Variants in NPHP4 observed in about 807,000 individuals in gnomAD.
NPHP4 encodes the protein nephrocystin 4.
NPHP4 carries 151 observed loss-of-function variants against 155.8 expected under a neutral mutation model. The observed-to-expected ratio is 0.97, with a 90% CI of 0.85 to 1.11. The LOEUF is 1.11. Ranked by LOEUF, NPHP4 falls within the 50% of genes least tolerant of loss-of-function variation. The pLI, the probability that NPHP4 is intolerant of heterozygous loss-of-function variation, is 0.00. For missense variants in NPHP4, 1,956 were observed against 1,925.7 expected, an observed-to-expected ratio of 1.02 and a Z score of -0.29; for synonymous variants, 845 against 816.8, an observed-to-expected ratio of 1.03 and a Z score of -0.59.
At chr1:5,885,533 A>T (rs1390241296) in intron 18 of NPHP4, among the ~76,000 whole-genome samples, 1 of 152,232 alleles carries the variant, frequency 6.6e-6, no homozygotes, top group Non-Finnish European at 1.5e-5. Flanking sequence ...GCAGCCACCA[A>T]GCATGAGGGC....
intron 5 of NPHP4, among the ~76,000 whole-genome samples, chr1:5,963,323 A>C (rs1023614277): frequency 1.3e-5 from 2 of 152,100 alleles, no homozygotes; most frequent in Admixed American, 1.3e-4. Context: ...TGAACCCGGG[A>C]GGCAGAGGTT....
intron 5 of NPHP4, among the ~76,000 whole-genome samples, chr1:5,965,638 A>G (rs1347610883): frequency 1.3e-5 from 2 of 152,050 alleles, no homozygotes; most frequent in Non-Finnish European, 2.9e-5. Context: ...TTGAAAACTG[A>G]GTTCCAGGAG....
rs1369466601 is a variant in NPHP4 at position 5,910,161 on chromosome 1, G to A, written c.1442-948C>T. Among the ~76,000 whole-genome samples, 1 of 152,126 alleles carries A rather than the reference G, an allele frequency of 6.6e-6. No homozygotes were observed. Among genetic ancestry groups the A allele is most frequent in the Non-Finnish European group, 1.5e-5 (1 of 68,032 alleles). ...ATGAAACCACCAAGCCAGACCCCAA[G>A]CCCATCCTGACGGGGCCACCTCTGC... On this transcript the variant is annotated intron_variant, in intron 11 of 29. Coordinates refer to ENST00000378156, the MANE Select transcript of NPHP4 (RefSeq NM_015102.5). This position sits in a 1 kb window ranked among gnomAD's most constrained non-coding sequence, Gnocchi z 5.4.
intron 2 of NPHP4, among the ~76,000 whole-genome samples, chr1:5,980,747 C>A (rs751212182): frequency 1.3e-5 from 2 of 152,154 alleles, no homozygotes; most frequent in African/African-American, 4.8e-5. Context: ...CTGAATCTCG[C>A]ATCTCAAGTG....
chr1:5,925,685 G>C (rs924429152), intron 11 of NPHP4, among the ~76,000 whole-genome samples: 1 of 151,900 alleles, frequency 6.6e-6, no homozygotes, highest in African/African-American at 2.4e-5. Flanking sequence ...GCACAATCTC[G>C]GCTCACTGCA....
chr1:5,934,016 C>T lies in NPHP4; in HGVS notation c.1120-687G>A, dbSNP rs192563700. 1.3e-3 allele frequency among the ~76,000 whole-genome samples: 204 copies of T among 152,292 alleles called. 1 individual carries two copies. The highest frequency in any genetic ancestry group is 2.3e-3 in the Admixed American group (35 of 15,308). ...CACATTAAAGTCATTGTCACAAACA[C>T]GGTTTCACGGCTTGACTGAGTAAAG... On this transcript the variant is annotated intron_variant, in intron 9 of 29. Coordinates refer to ENST00000378156, the MANE Select transcript of NPHP4 (RefSeq NM_015102.5).
intron 16 of NPHP4, among the ~76,000 whole-genome samples, chr1:5,903,350 G>A (rs1035945489): frequency 1.3e-5 from 2 of 152,086 alleles, no homozygotes; most frequent in South Asian, 2.1e-4. Flanking sequence ...GATCCCTAGC[G>A]CTGCATTTGC....
intron 19 of NPHP4, among the ~76,000 whole-genome samples, chr1:5,878,693 C>T (rs774323468): frequency 1.3e-5 from 2 of 152,218 alleles, no homozygotes; most frequent in African/African-American, 2.4e-5. Flanking sequence ...GATCACTGAC[C>T]TCAGGGCCTC....
chr1:5,893,033 T>C (rs1644214611), intron 16 of NPHP4, among the ~76,000 whole-genome samples: 1 of 152,018 alleles, frequency 6.6e-6, no homozygotes, highest in African/African-American at 2.4e-5. Flanking sequence ...AAGAGCAGAG[T>C]GGCCAACTCC....
In NPHP4 at chr1:5,874,871, C is replaced by T. The variant is rs1642410561; in HGVS notation, c.3044+3G>A. ...GGCAGGACGGGCACCACTGAGACCT[C>T]ACCTGAGCTCGGGGTTGTCGATCTC... On this transcript the variant is annotated splice_donor_region_variant and intron_variant, in intron 21 of 29. Transcript: ENST00000378156. 1 of 1,612,952 alleles carries T rather than the reference C, an allele frequency of 6.2e-7. No homozygotes were observed. The highest frequency in any genetic ancestry group is 8.5e-7 in the Non-Finnish European group (1 of 1,179,098).
At chr1:5,928,663 T>C (rs933418395) in intron 10 of NPHP4, among the ~76,000 whole-genome samples, 2 of 151,820 alleles carry the variant, frequency 1.3e-5, no homozygotes, top group Admixed American at 1.3e-4. Context: ...ATACTAATTA[T>C]ATTAATCAGT....
Position 5,978,315 on chromosome 1 carries a change from T to C in NPHP4, c.234A>G (p.Thr78=), listed in dbSNP as rs770085957. The change falls in exon 3 of 30, where the codon ACA becomes ACG. Residue 78 remains threonine, a synonymous_variant. Coordinates refer to ENST00000378156, the MANE Select transcript of NPHP4 (RefSeq NM_015102.5). ...ACGGCGGTCTCTTCGTCGGCTTCACTGTGGTTTTCCACGTCCTCCCAAAGA... is the reference window on the plus strand; with the variant it reads ...ACGGCGGTCTCTTCGTCGGCTTCACCGTGGTTTTCCACGTCCTCCCAAAGA... The part of the protein sequence containing the change: ...RHFFGRTWKT[T]VKPTKRPPSR... 3 of 1,609,552 alleles carry C rather than the reference T, an allele frequency of 1.9e-6. No individual in the cohort carries two copies. Among genetic ancestry groups the C allele is most frequent in the Non-Finnish European group, 2.5e-6 (3 of 1,178,278 alleles).
intron 2 of NPHP4, among the ~76,000 whole-genome samples, chr1:5,981,968 CCTCT>C (rs1342891898): frequency 6.6e-6 from 1 of 152,174 alleles, no homozygotes; most frequent in Non-Finnish European, 1.5e-5. Context: ...GTTCCCTCCT[CCTCT>C]ATTTTCTGAG....
rs1324796512 is a variant in NPHP4, at chr1:5,933,334, A to G, written c.1120-5T>C. 1 of 1,610,868 alleles carries G rather than the reference A, an allele frequency of 6.2e-7. No homozygotes were observed. The highest frequency in any genetic ancestry group is 8.5e-7 in the Non-Finnish European group (1 of 1,179,002). ...CAGAGAGGTGACCGAAGCTGCCTAGAATTAAAACAAAGCACATCGGTGTAT... is the reference window on the plus strand; with the variant it reads ...CAGAGAGGTGACCGAAGCTGCCTAGGATTAAAACAAAGCACATCGGTGTAT... On this transcript the variant is annotated splice_region_variant and splice_polypyrimidine_tract_variant and intron_variant, in intron 9 of 29. Transcript: ENST00000378156.
At chr1:5,940,281 AC>A (rs1174672589) in intron 9 of NPHP4, among the ~76,000 whole-genome samples, 3 of 151,982 alleles carry the variant, frequency 2.0e-5, no homozygotes, top group Admixed American at 6.6e-5. Context: ...TCTCTTGCTC[AC>A]CCTCTCTTTG....
At chr1:5,953,920 C>T (rs913619929) in intron 6 of NPHP4, among the ~76,000 whole-genome samples, 3 of 152,066 alleles carry the variant, frequency 2.0e-5, no homozygotes, top group African/African-American at 7.2e-5. Flanking sequence ...TGATCTTTTA[C>T]TTATGTAGAT....
chr1:5,964,019 G>A (rs1472077640), intron 5 of NPHP4, among the ~76,000 whole-genome samples: 7 of 152,136 alleles, frequency 4.6e-5, no homozygotes, highest in Non-Finnish European at 8.8e-5. Context: ...CCTAAGGGTC[G>A]GTATGCAGGT....
intron 11 of NPHP4, among the ~76,000 whole-genome samples, chr1:5,922,421 ATCTC>A (rs1052278745): frequency 2.0e-5 from 3 of 152,214 alleles, no homozygotes; most frequent in Non-Finnish European, 4.4e-5. Context: ...TTATCTATTT[ATCTC>A]TCTCTGTATC....
chr1:5,964,704 T>C (rs1050179463), intron 5 of NPHP4, among the ~76,000 whole-genome samples: 2 of 151,582 alleles, frequency 1.3e-5, no homozygotes, highest in Non-Finnish European at 2.9e-5. Context: ...CCTTTTCCAA[T>C]TGGATATTCT....
Sources: gnomAD v4.1 joint callset for allele counts (sites outside exome capture counted in the v4.1 genomes callset) on GRCh38, gnomAD v4.1.1 for gene constraint, Gnocchi (gnomAD v3.1) non-coding constraint, MANE v1.5 for transcripts, NCBI Gene and HGNC (gene_info 2026-07-23, HGNC 2026-07-21) for gene names.